The following RYR3 variants were observed in gnomAD, a reference collection of about 807,000 sequenced individuals.
RYR3 encodes the protein ryanodine receptor 3.
RYR3 carries 207 observed loss-of-function variants against 584.3 expected under a neutral mutation model. The ratio of observed to expected loss-of-function variants is 0.35; its 90% CI spans 0.32 to 0.40. The LOEUF (loss-of-function observed/expected upper bound fraction) is 0.40. Ranked by LOEUF, RYR3 falls within the 10% of genes least tolerant of loss-of-function variation. The pLI is 1.00. For missense variants in RYR3, 5,616 were observed against 6,089.2 expected, an observed-to-expected ratio of 0.92 and a Z score of 2.59; for synonymous variants, 2,416 against 2,248.5, an observed-to-expected ratio of 1.07 and a Z score of -2.11.
intron 12 of RYR3, among the ~76,000 whole-genome samples, chr15:33,570,732 TTTAA>T (rs1312772732): frequency 6.6e-6 from 1 of 152,192 alleles, no homozygotes; most frequent in Admixed American, 6.5e-5. Context: ...CTATTTATTT[TTTAA>T]TTATTTTCAG....
At chr15:33,519,400 C>A (rs531021419) in intron 3 of RYR3, among the ~76,000 whole-genome samples, 1 of 152,178 alleles carries the variant, frequency 6.6e-6, no homozygotes, top group South Asian at 2.1e-4. Flanking sequence ...CTTTGGAGTT[C>A]CGGAGAAATA....
chr15:33,387,662 C>CCA (rs1555452082), intron 1 of RYR3, among the ~76,000 whole-genome samples: 121 of 139,890 alleles, frequency 8.6e-4, no homozygotes, highest in African/African-American at 1.6e-3. Flanking sequence ...AATGACCTCA[C>CCA]AAAAAAAAAA....
At chr15:33,528,694 C>T (rs1047040792) in intron 3 of RYR3, among the ~76,000 whole-genome samples, 7 of 152,152 alleles carry the variant, frequency 4.6e-5, no homozygotes, top group Non-Finnish European at 1.0e-4. Flanking sequence ...CTCTGTAAAC[C>T]TCAGTAGTGT....
In RYR3 at chr15:33,865,988, T is replaced by TG. The variant is rs1890390803; in HGVS notation, c.*763dup. 6.5e-6 allele frequency: 1 copy of TG among 152,846 alleles called. No individual in the cohort carries two copies. The highest frequency in any genetic ancestry group is 2.4e-5 in the African/African-American group (1 of 41,464). 9.5% of individuals were successfully genotyped at this position (152,846 alleles called of 1,614,324 possible). ...ATTCAGAAAAAAAATCTCAACCTTA[T>TG]GCCAAAATGGAGTAATGCTTTATGG... On this transcript the variant is annotated 3_prime_UTR_variant, in exon 104 of 104. Coordinates refer to ENST00000634891, the MANE Select transcript of RYR3 (RefSeq NM_001036.6).
At chr15:33,688,949 A>G (rs930481443) in intron 38 of RYR3, among the ~76,000 whole-genome samples, 1 of 152,176 alleles carries the variant, frequency 6.6e-6, no homozygotes, top group African/African-American at 2.4e-5. Context: ...AGCACTATTC[A>G]CAATAGCAAA....
At position 33,661,674 on chromosome 15, in the gene RYR3, G is replaced by A. The variant is rs942469532; in HGVS notation, c.4623-479G>A. On this transcript the variant is annotated intron_variant, in intron 34 of 103. Coordinates refer to ENST00000634891, the MANE Select transcript of RYR3 (RefSeq NM_001036.6). ...CCTCGCATGCACGGTTCACAGTAGG[G>A]TTTACACTCCTATGAAAATCTATTG... 9.9e-5 allele frequency among the ~76,000 whole-genome samples: 15 copies of A among 152,108 alleles called. No homozygotes were observed. In the South Asian group the frequency reaches 1.9e-3, roughly 19 times the overall value.
chr15:33,599,994 T>C (rs530331663), intron 16 of RYR3, among the ~76,000 whole-genome samples: 2 of 152,312 alleles, frequency 1.3e-5, no homozygotes, highest in Admixed American at 6.5e-5. Flanking sequence ...GCAAAACAGA[T>C]GAAATGTGTA....
At chr15:33,469,026 C>T (rs911023325) in intron 1 of RYR3, among the ~76,000 whole-genome samples, 1 of 152,124 alleles carries the variant, frequency 6.6e-6, no homozygotes, top group Non-Finnish European at 1.5e-5. Context: ...AAGCATGGTG[C>T]CTGTCACATA....
At chr15:33,862,937 A>AAGAT (rs1184674037) in intron 102 of RYR3, among the ~76,000 whole-genome samples, 1 of 152,242 alleles carries the variant, frequency 6.6e-6, no homozygotes, top group African/African-American at 2.4e-5. Context: ...GAGTTTTAAA[A>AAGAT]AGATAACTTT....
chr15:33,479,508 T>TTGG (rs1187953031), intron 2 of RYR3, among the ~76,000 whole-genome samples: 2 of 145,768 alleles, frequency 1.4e-5, no homozygotes, highest in Non-Finnish European at 3.0e-5. Context: ...TTTTTAACAT[T>TTGG]TATCAGGCAT....
intron 1 of RYR3, among the ~76,000 whole-genome samples, chr15:33,391,418 G>C (rs1334806705): frequency 1.3e-5 from 2 of 152,050 alleles, no homozygotes; most frequent in African/African-American, 4.8e-5. Context: ...ACAAGGTCAG[G>C]AGATCGAGAC....
intron 31 of RYR3, among the ~76,000 whole-genome samples, chr15:33,652,229 G>A (rs1031722300): frequency 1.3e-5 from 2 of 152,094 alleles, no homozygotes; most frequent in Non-Finnish European, 2.9e-5. Flanking sequence ...AGCCCAGGCC[G>A]GCCATCCTAA....
intron 59 of RYR3, among the ~76,000 whole-genome samples, chr15:33,756,805 T>C (rs1215113836): frequency 2.0e-5 from 3 of 152,050 alleles, no homozygotes; most frequent in Non-Finnish European, 4.4e-5. Context: ...AGATGACAGG[T>C]TTACCCTTAT....
chr15:33,761,868 G>A (rs903481968), intron 60 of RYR3, among the ~76,000 whole-genome samples: 6 of 151,880 alleles, frequency 4.0e-5, no homozygotes, highest in Non-Finnish European at 5.9e-5. Flanking sequence ...AATAAAATAC[G>A]GGCAAACCAA....
In RYR3 at chr15:33,660,412, C is replaced by T. The variant is rs61996325; in HGVS notation, c.4611C>T (p.Pro1537=). The T allele has an allele frequency of 8.7e-4, 1,361 of 1,563,356 alleles. 12 individuals are homozygous for T. In the African/African-American group the frequency reaches 0.016, roughly 18 times the overall value. ...TGCAGATGATGGCGCTCCACATCCC[C>T]GAGGAGAACAGGTACCAGAGGGGCC... is the stretch of plus-strand genomic sequence containing the variant. ...EPLQMMALHI[P]EENRCVDILE... is the part of the protein sequence containing the mutation. The change falls in exon 34 of 104, where the codon CCC becomes CCT. Residue 1537 remains proline, a synonymous_variant. Coordinates refer to ENST00000634891, the MANE Select transcript of RYR3 (RefSeq NM_001036.6).
intron 29 of RYR3, among the ~76,000 whole-genome samples, chr15:33,647,107 C>T (rs1194830096): frequency 6.6e-6 from 1 of 152,202 alleles, no homozygotes; most frequent in East Asian, 1.9e-4. Context: ...TTTAAACAAG[C>T]ACAGCTACTT....
intron 85 of RYR3, 33 bp downstream of exon 85, chr15:33,827,320 T>C: frequency 6.6e-7 from 1 of 1,524,578 alleles, no homozygotes; most frequent in Non-Finnish European, 8.9e-7. Flanking sequence ...ATGGGACCTC[T>C]CACCTTTGCT....
At chr15:33,443,924 C>A (rs1298168354) in intron 1 of RYR3, among the ~76,000 whole-genome samples, 2 of 152,174 alleles carry the variant, frequency 1.3e-5, no homozygotes, top group Admixed American at 6.5e-5. Flanking sequence ...AAATCTATTG[C>A]ATTCTGACAC....
chr15:33,841,923 G>A lies in RYR3; in HGVS notation c.13097G>A (p.Trp4366Ter). Reference sequence around the variant, plus strand: ...GAAGAGGAGCAAGCTGAGTACCTGTGGACAGAAGTGACAAAAAAGAAGAAG... The same window carrying A: ...GAAGAGGAGCAAGCTGAGTACCTGTAGACAGAAGTGACAAAAAAGAAGAAG... ...DKEEEQAEYL[W>*]TEVTKKKKRR... Residue 4366 changes from tryptophan to a stop codon, truncating the protein, a stop_gained, in exon 91 of 104, where the codon TGG becomes TAG. Coordinates refer to ENST00000634891, the MANE Select transcript of RYR3 (RefSeq NM_001036.6). LOFTEE classifies it high-confidence loss of function. 1 of 1,598,206 alleles carries A rather than the reference G, an allele frequency of 6.3e-7. No individual in the cohort carries two copies. The highest frequency in any genetic ancestry group is 8.5e-7 in the Non-Finnish European group (1 of 1,172,386).
Sources: allele counts gnomAD v4.1 joint callset (sites outside exome capture counted in the v4.1 genomes callset), GRCh38; gene constraint gnomAD v4.1.1; transcripts MANE v1.5; gene names NCBI Gene and HGNC (gene_info 2026-07-23, HGNC 2026-07-21).